GRK6: variants seen among roughly 807,000 people sequenced by gnomAD.
GRK6 encodes the protein G protein-coupled receptor kinase 6.
GRK6 carries 37 observed loss-of-function variants against 80.8 expected under a neutral mutation model. The observed-to-expected ratio is 0.46, with a 90% CI of 0.35 to 0.60. The LOEUF is 0.60. Among genes scored for constraint, GRK6 ranks in the 20% least tolerant of loss-of-function variants. The pLI is 0.00. For synonymous variants in GRK6, 295 were observed against 320.9 expected (o/e 0.92, Z 0.86); for missense variants, 560 against 784.6 (o/e 0.71, Z 3.42).
At chr5:177,441,127 G>A (rs1312232275) in intron 15 of GRK6, 74 bp downstream of exon 15, 1 of 1,569,762 alleles carries the variant, frequency 6.4e-7, no homozygotes, top group Non-Finnish European at 8.7e-7. Flanking sequence ...CAGAGCCGGT[G>A]CCCGCATGCG....
intron 8 of GRK6, 24 bp downstream of exon 8, chr5:177,433,700 C>A (rs777448597): frequency 5.6e-6 from 9 of 1,612,700 alleles, no homozygotes; most frequent in Middle Eastern, 1.7e-4. Flanking sequence ...GAGACTCTCC[C>A]TTCCCCTTGG....
intron 5 of GRK6, 127 bp from the exon 6 acceptor site, chr5:177,433,020 C>T: frequency 1.2e-6 from 1 of 857,864 alleles, no homozygotes; most frequent in South Asian, 1.5e-5. Flanking sequence ...CAGGGGTTAG[C>T]AGGAGGACTG....
intron 1 of GRK6, among the ~76,000 whole-genome samples, chr5:177,430,479 G>T (rs1763840652): frequency 6.6e-6 from 1 of 152,220 alleles, no homozygotes; most frequent in African/African-American, 2.4e-5. Flanking sequence ...CGTCTCTCAG[G>T]CCTGCCCCAC....
At chr5:177,427,404 G>A (rs983147903) in intron 1 of GRK6, among the ~76,000 whole-genome samples, 9 of 152,226 alleles carry the variant, frequency 5.9e-5, no homozygotes, top group Non-Finnish European at 1.2e-4. Flanking sequence ...CACTTGCTCC[G>A]TGCCTCAGGA....
chr5:177,440,827 G>A lies in GRK6; in HGVS notation c.1532G>A (p.Trp511Ter), dbSNP rs1405868091. ...GCCACAGGCAGTGTGCCCATCCCCT[G>A]GCAGAACGAGGTGGGGGCCTGCCCT... ...KFATGSVPIPWQNEMVETECF... is the reference protein window; with the variant it reads ...KFATGSVPIP Residue 511 changes from tryptophan (W) to a stop codon, truncating the protein, a stop_gained, in exon 14 of 16, where the codon TGG becomes TAG. Coordinates refer to ENST00000355472, the MANE Select transcript of GRK6 (RefSeq NM_001004106.3). LOFTEE classifies it high-confidence loss of function. 6.2e-7 allele frequency: 1 copy of A among 1,614,072 alleles called. No homozygotes were observed.
chr5:177,433,806 G>A, intron 8 of GRK6, 108 bp from the exon 9 acceptor site: 1 of 1,508,086 alleles, frequency 6.6e-7, no homozygotes, highest in East Asian at 2.3e-5. Flanking sequence ...ACCAGGCTTG[G>A]GGAGCAGGCT....
chr5:177,439,445 C>T (rs771940468), intron 13 of GRK6, among the ~76,000 whole-genome samples: 3 of 150,630 alleles, frequency 2.0e-5, no homozygotes, highest in Non-Finnish European at 4.4e-5. Context: ...GAGGCTGAGG[C>T]AGGAGAATCG....
chr5:177,433,044 C>G (rs1049937214), intron 5 of GRK6, 103 bp from the exon 6 acceptor site: 1 of 1,036,680 alleles, frequency 9.6e-7, no homozygotes, highest in African/African-American at 1.6e-5. Flanking sequence ...GACGACGATA[C>G]CTGTGGGCTA....
At chr5:177,432,573 A>T in intron 4 of GRK6, 133 bp from the exon 5 acceptor site, 1 of 741,114 alleles carries the variant, frequency 1.3e-6, no homozygotes. Context: ...GGACTTCAGC[A>T]ACCAGGCTGG....
At chr5:177,436,586 G>A in intron 13 of GRK6, 56 bp downstream of exon 13, 2 of 1,482,780 alleles carry the variant, frequency 1.3e-6, no homozygotes, top group Non-Finnish European at 1.8e-6. Context: ...GGGGCTCAGG[G>A]GCTCTTGTAG....
At chr5:177,434,171 C>CG (rs1031296522) in intron 9 of GRK6, 67 bp downstream of exon 9, 2 of 1,419,640 alleles carry the variant, frequency 1.4e-6, no homozygotes, top group African/African-American at 2.9e-5. Flanking sequence ...TGGGCCTGGA[C>CG]GGGGGTGGCC....
At chr5:177,431,677 G>T in intron 2 of GRK6, 2 of 353,970 alleles carry the variant, frequency 5.7e-6, no homozygotes, top group South Asian at 5.6e-5. Flanking sequence ...CTCACGGACC[G>T]CACCCAACCC....
At chr5:177,431,651 T>A in intron 2 of GRK6, 1 of 305,468 alleles carries the variant, frequency 3.3e-6, no homozygotes, top group South Asian at 3.3e-5. Context: ...TGGCCCCGGC[T>A]GGGCTGGGCC....
In GRK6 at chr5:177,441,940, GC is replaced by G; in HGVS notation, c.*154del. On this transcript the variant is annotated 3_prime_UTR_variant, in exon 16 of 16. Transcript: ENST00000355472. ...TGTCCCCAGTGTCCTCCGTCCCTCAGCCCCTGGCCTGGCTGAGTTTGGCAGG... is the reference window on the plus strand; with the variant it reads ...TGTCCCCAGTGTCCTCCGTCCCTCAGCCCTGGCCTGGCTGAGTTTGGCAGG... 1.4e-6 allele frequency: 1 copy of G among 718,950 alleles called. No homozygotes were observed. The highest frequency in any genetic ancestry group is 1.8e-5 in the South Asian group (1 of 56,884). 44.5% of individuals were successfully genotyped at this position (718,950 alleles called of 1,614,324 possible).
intron 9 of GRK6, 77 bp from the exon 10 acceptor site, chr5:177,434,825 G>A: frequency 6.4e-7 from 1 of 1,554,942 alleles, no homozygotes; most frequent in Non-Finnish European, 8.9e-7. Flanking sequence ...CCGGAGGCGA[G>A]TGAGCTGGGG....
intron 2 of GRK6, 93 bp downstream of exon 2, chr5:177,431,060 G>A: frequency 3.0e-6 from 3 of 989,314 alleles, no homozygotes; most frequent in Admixed American, 4.6e-5. Flanking sequence ...GAGCAGAGGG[G>A]CAGACTTGGG....
rs746103199 is a variant in GRK6, at chr5:177,432,259, C to G, written c.288C>G (p.Asp96Glu). The change falls in exon 4 of 16, where the codon GAC (aspartate) becomes GAG (glutamate). Residue 96 changes from aspartate to glutamate, a missense_variant. Coordinates refer to ENST00000355472, the MANE Select transcript of GRK6 (RefSeq NM_001004106.3). The stretch of plus-strand genomic sequence containing the variant: ...CCGAGTATGAAGTGACCCCGGATGA[C>G]AAGCGGAAGGCATGTGGGCGGCAGC... The part of the protein sequence containing the change: ...GVAEYEVTPD[D>E]KRKACGRQLT... The G allele has an allele frequency of 1.2e-6, 2 of 1,613,492 alleles. No homozygotes were observed. The highest frequency in any genetic ancestry group is 2.7e-5 in the African/African-American group (2 of 74,922).
chr5:177,438,199 T>C (rs1045765045), intron 13 of GRK6, among the ~76,000 whole-genome samples: 2 of 151,990 alleles, frequency 1.3e-5, no homozygotes, highest in Non-Finnish European at 2.9e-5. Flanking sequence ...AGAAACCCCA[T>C]CTCTACTAAA....
At position 177,434,883 on chromosome 5, in the gene GRK6, T is replaced by C. The variant is rs752569317; in HGVS notation, c.930-19T>C. On this transcript the variant is annotated intron_variant, in intron 9 of 15. Transcript: ENST00000355472. ...TGGCAAACTGAGCAGCATCTGACCC[T>C]GCTCTTCTCTCTGCACAGGGACCTG... 1.2e-6 allele frequency: 2 copies of C among 1,611,906 alleles called. No individual in the cohort carries two copies. Among genetic ancestry groups the C allele is most frequent in the East Asian group, 4.5e-5 (2 of 44,762 alleles).
Sources: gnomAD v4.1 joint callset for allele counts (sites outside exome capture counted in the v4.1 genomes callset) on GRCh38, gnomAD v4.1.1 for gene constraint, MANE v1.5 for transcripts, NCBI Gene and HGNC (gene_info 2026-07-23, HGNC 2026-07-21) for gene names.